The following PLAA variants were observed in gnomAD, a reference collection of about 807,000 sequenced individuals.
PLAA encodes the protein phospholipase A2 activating protein.
A neutral mutation model predicts 84.1 loss-of-function variants in PLAA; 48 were observed. The ratio of observed to expected loss-of-function variants is 0.57; its 90% CI spans 0.45 to 0.73. The LOEUF is 0.73. PLAA is among the 30% of genes least tolerant of loss of function. The pLI is 0.00. For missense variants in PLAA, 903 were observed against 954.7 expected, an observed-to-expected ratio of 0.95 and a Z score of 0.71; for synonymous variants, 392 against 336.6, an observed-to-expected ratio of 1.16 and a Z score of -1.80.
intron 1 of PLAA, among the ~76,000 whole-genome samples, chr9:26,935,425 T>A (rs549256595): frequency 5.3e-5 from 8 of 152,296 alleles, no homozygotes; most frequent in African/African-American, 2.4e-5. Flanking sequence ...GTTTCTTTGA[T>A]AAGAATACGT....
At position 26,919,433 on chromosome 9, in the gene PLAA, T is replaced by C; in HGVS notation, c.1294A>G (p.Asn432Asp). 1 of 1,611,294 alleles carries C rather than the reference T, an allele frequency of 6.2e-7. No homozygotes were observed. The change falls in exon 9 of 14, where the codon AAC becomes GAC. Residue 432 changes from asparagine to aspartate, a missense_variant. Coordinates refer to ENST00000397292, the MANE Select transcript of PLAA (RefSeq NM_001031689.3). ...TTCAAATCATTCTTCTGTAAGAAGT[T>C]GTATGCAGTTAACCAAGGGTCATCA... ...TSDDPWLTAY[N>D]FLQKNDLNPM...
At chr9:26,919,587 GA>G (rs1281296226) in intron 8 of PLAA, 58 bp from the exon 9 acceptor site, 23 of 905,546 alleles carry the variant, frequency 2.5e-5, no homozygotes, top group Non-Finnish European at 3.9e-5. Flanking sequence ...ATATATTAAT[GA>G]CATATACAAC....
chr9:26,945,818 C>A (rs138599305), intron 1 of PLAA, among the ~76,000 whole-genome samples: 1 of 152,246 alleles, frequency 6.6e-6, no homozygotes, highest in South Asian at 2.1e-4. Context: ...TGCTCTTCCA[C>A]GACCAGCTCC....
chr9:26,930,784 T>C (rs1205144453), intron 2 of PLAA, among the ~76,000 whole-genome samples: 1 of 151,532 alleles, frequency 6.6e-6, no homozygotes, highest in Non-Finnish European at 1.5e-5. Flanking sequence ...GGTTTCACCA[T>C]GTCAGTCAGG....
intron 11 of PLAA, among the ~76,000 whole-genome samples, chr9:26,910,665 A>G (rs756775482): frequency 9.9e-5 from 15 of 152,070 alleles, no homozygotes; most frequent in Non-Finnish European, 1.9e-4. Flanking sequence ...GTAGAACAAG[A>G]TCATCTCACA....
chr9:26,926,168 C>A (rs1478874035), intron 5 of PLAA, among the ~76,000 whole-genome samples: 1 of 152,054 alleles, frequency 6.6e-6, no homozygotes, highest in Non-Finnish European at 1.5e-5. Flanking sequence ...TCTTCAGATA[C>A]CCAAGAACTT....
At chr9:26,925,766 C>A in intron 6 of PLAA, 59 bp downstream of exon 6, 1 of 1,496,830 alleles carries the variant, frequency 6.7e-7, no homozygotes, top group Non-Finnish European at 9.3e-7. Flanking sequence ...TCTGTACACT[C>A]TAGTTCCTAC....
chr9:26,941,078 G>A (rs1230008209), intron 1 of PLAA, among the ~76,000 whole-genome samples: 2 of 149,644 alleles, frequency 1.3e-5, no homozygotes, highest in East Asian at 2.0e-4. Flanking sequence ...GTCTTCCCAA[G>A]TCCCTAGCAC....
chr9:26,946,767 A>G lies in PLAA; in HGVS notation c.149+130T>C, dbSNP rs376640889. On this transcript the variant is annotated intron_variant, in intron 1 of 13. Transcript: ENST00000397292. ...AGAGTTCTAATAGTCTGAGAATTGG[A>G]AGGGAGCGGAGAGCAGAGGGAAGGC... The G allele has an allele frequency of 9.0e-5, 95 of 1,057,676 alleles. 3 individuals carry two copies. The South Asian group carries it at 1.5e-3, about 16-fold the overall frequency. The allele number at this position is 1,057,676 out of a possible 1,614,324, so 65.5% of individuals were successfully genotyped here.
At position 26,947,225 on chromosome 9, in the gene PLAA, G is replaced by C. The variant is rs919444901; in HGVS notation, c.-180C>G. The stretch of plus-strand genomic sequence containing the variant: ...TGGGAAGGGGCGCGCCGAGCGGGCC[G>C]AGTGACACAGCAAGCCTGACAGGCA... On this transcript the variant is annotated 5_prime_UTR_variant, in exon 1 of 14. Coordinates refer to ENST00000397292, the MANE Select transcript of PLAA (RefSeq NM_001031689.3). 3.1e-6 allele frequency: 2 copies of C among 640,724 alleles called. No homozygotes were observed. Among genetic ancestry groups the C allele is most frequent in the Non-Finnish European group, 5.1e-6 (2 of 392,602 alleles). 39.7% of individuals were successfully genotyped at this position (640,724 alleles called of 1,614,324 possible).
At position 26,947,068 on chromosome 9, in the gene PLAA, G is replaced by A. The variant is rs1476630768; in HGVS notation, c.-23C>T. On this transcript the variant is annotated 5_prime_UTR_variant, in exon 1 of 14. Coordinates refer to ENST00000397292, the MANE Select transcript of PLAA (RefSeq NM_001031689.3). ...CATGGCCAGTGTCTGTCTGGCGCCC[G>A]GTGCCCAGGCACTGTGCGAGACCAG... The A allele has an allele frequency of 1.3e-6, 2 of 1,553,762 alleles. No homozygotes were observed. Among genetic ancestry groups the A allele is most frequent in the East Asian group, 2.4e-5 (1 of 42,030 alleles).
chr9:26,919,609 T>A (rs10120342), intron 8 of PLAA, 80 bp from the exon 9 acceptor site: 4 of 773,026 alleles, frequency 5.2e-6, no homozygotes, highest in Non-Finnish European at 8.6e-6. Context: ...ATAACACAGA[T>A]GTGTTCTTTA....
At chr9:26,933,806 A>AT (rs1260562229) in intron 2 of PLAA, among the ~76,000 whole-genome samples, 1 of 140,020 alleles carries the variant, frequency 7.1e-6, no homozygotes. Context: ...AAAAAAAAAA[A>AT]AAAAAAATTT....
intron 8 of PLAA, 46 bp downstream of exon 8, chr9:26,920,181 C>G (rs1309281511): frequency 1.3e-6 from 2 of 1,517,972 alleles, no homozygotes. Flanking sequence ...CTTTAATTTG[C>G]CTAATATTTA....
chr9:26,926,866 C>A (rs559596829), intron 4 of PLAA, among the ~76,000 whole-genome samples: 12 of 151,250 alleles, frequency 7.9e-5, no homozygotes, highest in African/African-American at 2.9e-4. Flanking sequence ...TTTTTCTTCC[C>A]CAACAAGAGT....
intron 9 of PLAA, 122 bp downstream of exon 9, chr9:26,919,187 TA>T: frequency 1.8e-6 from 1 of 553,162 alleles, no homozygotes. Flanking sequence ...GAATGTGAAG[TA>T]AAACCCTGCT....
At chr9:26,906,423 CTTTTTTTTTTTT>C (rs35324777) in intron 13 of PLAA, among the ~76,000 whole-genome samples, 3 of 95,090 alleles carry the variant, frequency 3.2e-5, no homozygotes, top group Admixed American at 1.2e-4. Flanking sequence ...AGGGAAAGTT[CTTTTTTTTTTTT>C]TTTTTTTTTT....
At chr9:26,909,608 GATTA>G (rs1004190438) in intron 12 of PLAA, among the ~76,000 whole-genome samples, 2 of 150,978 alleles carry the variant, frequency 1.3e-5, no homozygotes, top group Non-Finnish European at 3.0e-5. Context: ...CACTAAAGCA[GATTA>G]ATTTCTTTTT....
intron 5 of PLAA, 76 bp downstream of exon 5, chr9:26,926,317 C>T (rs1048640100): frequency 3.3e-6 from 3 of 919,960 alleles, no homozygotes; most frequent in Non-Finnish European, 3.4e-6. Context: ...AATCAGCTCT[C>T]CTCCCTCCAT....
Sources: gnomAD v4.1 joint callset for allele counts (sites outside exome capture counted in the v4.1 genomes callset) on GRCh38, gnomAD v4.1.1 for gene constraint, MANE v1.5 for transcripts, NCBI Gene and HGNC (gene_info 2026-07-23, HGNC 2026-07-21) for gene names.